Variants in HTT-AS observed in about 807,000 individuals in gnomAD.
HTT-AS encodes the protein HTT antisense RNA (head to head).
At chr4:3,051,312 G>C (rs549503896) in intron 2 of HTT-AS, among the ~76,000 whole-genome samples, 1 of 152,240 alleles carries the variant, frequency 6.6e-6, no homozygotes, top group South Asian at 2.1e-4. Context: ...TGATCCACCT[G>C]CCTTGGCCCC....
chr4:3,072,966 C>T (rs1560533563), intron 1 of HTT-AS, among the ~76,000 whole-genome samples: 1 of 152,206 alleles, frequency 6.6e-6, no homozygotes, highest in Non-Finnish European at 1.5e-5. Context: ...GCTCTATCAC[C>T]CAAGCTGGAG....
chr4:3,047,201 C>T (rs1337779765), downstream of HTT-AS, among the ~76,000 whole-genome samples: 1 of 152,114 alleles, frequency 6.6e-6, no homozygotes, highest in Non-Finnish European at 1.5e-5. Context: ...GTCCCAGCTA[C>T]TCGGGAGGCT....
At chr4:3,050,663 T>C (rs1282837946) in intron 2 of HTT-AS, among the ~76,000 whole-genome samples, 2 of 152,206 alleles carry the variant, frequency 1.3e-5, no homozygotes, top group Non-Finnish European at 2.9e-5. Flanking sequence ...TGATTTACAG[T>C]AACTTAACCA....
intron 1 of HTT-AS, among the ~76,000 whole-genome samples, chr4:3,064,006 G>C (rs1319697821): frequency 1.3e-5 from 2 of 152,078 alleles, no homozygotes; most frequent in African/African-American, 4.8e-5. Context: ...GTGGCTCCTG[G>C]ATAGGAGTGA....
At chr4:3,052,046 G>A (rs1022375246) in intron 2 of HTT-AS, among the ~76,000 whole-genome samples, 5 of 152,126 alleles carry the variant, frequency 3.3e-5, no homozygotes, top group African/African-American at 7.2e-5. Flanking sequence ...GAGTAGTTAC[G>A]AGGCTTTGCC....
chr4:3,074,000 C>T lies in HTT-AS; in HGVS notation n.113+426G>A, dbSNP rs1481623053. ...CATGGGCCTGCGCCCGCGCTCGGCG[C>T]CCCCTCCACGGCCCCGCCCCGTCCA... is the stretch of plus-strand genomic sequence containing the variant. On this transcript the variant is annotated intron_variant and non_coding_transcript_variant, in intron 1 of 2. Coordinates refer to ENST00000664062, the Ensembl canonical transcript of HTT-AS. 1.1e-3 allele frequency among the ~76,000 whole-genome samples: 165 copies of T among 151,792 alleles called. 2 individuals are homozygous for T. Among genetic ancestry groups the T allele is most frequent in the Non-Finnish European group, 2.9e-4 (20 of 67,854 alleles).
chr4:3,061,446 G>A (rs768950283), intron 2 of HTT-AS, among the ~76,000 whole-genome samples: 4 of 151,254 alleles, frequency 2.6e-5, no homozygotes, highest in Non-Finnish European at 5.9e-5. Context: ...TTTGGGAGGC[G>A]GAGGTGGGTG....
chr4:3,060,447 G>C (rs1259066597), intron 2 of HTT-AS, among the ~76,000 whole-genome samples: 2 of 152,148 alleles, frequency 1.3e-5, no homozygotes, highest in African/African-American at 4.8e-5. Flanking sequence ...CAAAATTTGA[G>C]AAAGGTCTCA....
At chr4:3,073,318 G>T (rs1025911691) in intron 1 of HTT-AS, among the ~76,000 whole-genome samples, 1 of 152,210 alleles carries the variant, frequency 6.6e-6, no homozygotes, top group Non-Finnish European at 1.5e-5. Flanking sequence ...GGGCAGGCTG[G>T]ACAGCTGCCC....
chr4:3,052,643 G>T (rs575518339), intron 2 of HTT-AS, among the ~76,000 whole-genome samples: 14 of 152,284 alleles, frequency 9.2e-5, no homozygotes, highest in Admixed American at 2.0e-4. Flanking sequence ...TCTAATGGCA[G>T]TTATGGGGCT....
At chr4:3,065,973 C>T (rs541464883) in intron 1 of HTT-AS, among the ~76,000 whole-genome samples, 348 of 152,296 alleles carry the variant, frequency 2.3e-3, no homozygotes, top group Non-Finnish European at 4.1e-3. Flanking sequence ...ACATTGATGA[C>T]GGACGATAGA....
intron 1 of HTT-AS, among the ~76,000 whole-genome samples, chr4:3,074,183 G>A (rs1190329472): frequency 3.8e-4 from 44 of 114,540 alleles, no homozygotes; most frequent in African/African-American, 1.3e-3. Flanking sequence ...CAGCCGCCCC[G>A]CCCCTCAGCC....
chr4:3,059,917 G>GTTTTTTTT lies in HTT-AS; in HGVS notation n.1380+2516_1380+2517insAAAAAAAA, dbSNP rs34372712. On this transcript the variant is annotated intron_variant and non_coding_transcript_variant, in intron 2 of 2. Coordinates refer to ENST00000664062, the Ensembl canonical transcript of HTT-AS. ...GTTGCTTTAACATCTTTGTCCCTGTGTTTTTTGTTTTTTTTTTTGAGACGG... is the reference window on the plus strand; with the variant it reads ...GTTGCTTTAACATCTTTGTCCCTGTGTTTTTTTTTTTTTTGTTTTTTTTTTTGAGACGG... 1.1e-4 allele frequency among the ~76,000 whole-genome samples: 15 copies of GTTTTTTTT among 136,240 alleles called. 1 individual carries two copies. The highest frequency in any genetic ancestry group is 1.2e-4 in the Non-Finnish European group (8 of 64,368). The allele number at this position is 136,240 out of a possible 152,430, so 89.4% of individuals were successfully genotyped here.
chr4:3,058,619 C>T (rs189189072), intron 2 of HTT-AS, among the ~76,000 whole-genome samples: 6 of 152,226 alleles, frequency 3.9e-5, no homozygotes, highest in East Asian at 1.9e-4. Flanking sequence ...CCTGGGAACG[C>T]GGCCCAGCAG....
chr4:3,068,253 C>A (rs1314997944), intron 1 of HTT-AS, among the ~76,000 whole-genome samples: 1 of 143,960 alleles, frequency 6.9e-6, no homozygotes, highest in East Asian at 2.0e-4. Flanking sequence ...TTGCAGTGAG[C>A]CGAGATTGTG....
At chr4:3,051,098 T>C (rs1313766) in intron 2 of HTT-AS, among the ~76,000 whole-genome samples, 74,176 of 147,584 alleles carry the variant, frequency 0.5, 18,965 homozygotes, top group South Asian at 0.73. Flanking sequence ...TGGAGTTTCA[T>C]TCTTGTTGCC....
intron 1 of HTT-AS, among the ~76,000 whole-genome samples, chr4:3,071,097 T>C (rs1712164504): frequency 6.6e-6 from 1 of 152,218 alleles, no homozygotes. Flanking sequence ...GCTGAAGCAG[T>C]TGTGATTTGT....
chr4:3,068,222 C>T lies in HTT-AS; in HGVS notation n.114-4522G>A, dbSNP rs578189323. Among the ~76,000 whole-genome samples, 9 of 140,594 alleles carry T rather than the reference C, an allele frequency of 6.4e-5. No individual in the cohort carries two copies. In the South Asian group the frequency reaches 2.1e-3, roughly 33 times the overall value. The allele number at this position is 140,594 out of a possible 152,430, so 92.2% of individuals were successfully genotyped here. ...TCGGGAGGCTGAGGCAGGAGAATGG[C>T]GTGAACCCGGGAGGCGGAGCTTGCA... On this transcript the variant is annotated intron_variant and non_coding_transcript_variant, in intron 1 of 2. Transcript: ENST00000664062.
intron 2 of HTT-AS, among the ~76,000 whole-genome samples, chr4:3,056,510 G>A (rs533325955): frequency 6.6e-6 from 1 of 152,294 alleles, no homozygotes; most frequent in East Asian, 1.9e-4. Context: ...CTACCTATAA[G>A]TTAGGTTGTA....
Sources: allele counts gnomAD v4.1 joint callset (sites outside exome capture counted in the v4.1 genomes callset), GRCh38; gene constraint gnomAD v4.1.1; transcripts MANE v1.5; gene names NCBI Gene and HGNC (gene_info 2026-07-23, HGNC 2026-07-21).